The following CAMSAP2 variants were observed in gnomAD, a reference collection of about 807,000 sequenced individuals.
The protein encoded by CAMSAP2 is calmodulin-regulated spectrin-associated protein 2.
CAMSAP2 carries 26 observed loss-of-function variants against 146.1 expected under a neutral mutation model. That is an observed-to-expected ratio of 0.18 (90% CI 0.13 to 0.25). The LOEUF is 0.25. Among genes scored for constraint, CAMSAP2 ranks in the 10% least tolerant of loss-of-function variants. The pLI is 1.00. For synonymous variants in CAMSAP2, 499 were observed against 596.6 expected, an observed-to-expected ratio of 0.84 and a Z score of 2.38; for missense variants, 1,381 against 1,759.3, an observed-to-expected ratio of 0.78 and a Z score of 3.85.
In CAMSAP2 at chr1:200,858,351, C is replaced by A; in HGVS notation, c.*292C>A. The stretch of plus-strand genomic sequence containing the variant: ...TAGATACATTAAAGCACTGAATTTT[C>A]ATGGATATTAGTTGGATTTATCATT... On this transcript the variant is annotated 3_prime_UTR_variant, in exon 17 of 17. Coordinates refer to ENST00000358823, the MANE Select transcript of CAMSAP2 (RefSeq NM_203459.4). 3.7e-6 allele frequency: 1 copy of A among 269,260 alleles called. No individual in the cohort carries two copies. The highest frequency in any genetic ancestry group is 6.9e-6 in the Non-Finnish European group (1 of 144,366). The allele number at this position is 269,260 out of a possible 1,614,324, so 16.7% of individuals were successfully genotyped here. A position where few individuals can be genotyped will look rare whatever the true frequency, so the allele number is the denominator to read the frequency against.
At position 200,846,912 on chromosome 1, in the gene CAMSAP2, C is replaced by A. The variant is rs540460616; in HGVS notation, c.1110-298C>A. Among the ~76,000 whole-genome samples, 411 of 152,164 alleles carry A rather than the reference C, an allele frequency of 2.7e-3. 2 individuals are homozygous for A. Among genetic ancestry groups the A allele is most frequent in the Middle Eastern group, 0.01 (3 of 294 alleles). ...CAAAGTATTTCAAATTGGTGAGTTT[C>A]ATTTTACTTTTTTATATATCAGTTT... On this transcript the variant is annotated intron_variant, in intron 8 of 16. Transcript: ENST00000358823.
chr1:200,785,778 C>T (rs371449265), intron 2 of CAMSAP2, among the ~76,000 whole-genome samples: 174 of 152,280 alleles, frequency 1.1e-3, no homozygotes, highest in Middle Eastern at 6.8e-3. Flanking sequence ...ACCTCTGCCT[C>T]CCAGGTTCAA....
At chr1:200,786,117 T>C (rs1638603202) in intron 2 of CAMSAP2, among the ~76,000 whole-genome samples, 3 of 152,230 alleles carry the variant, frequency 2.0e-5, no homozygotes, top group African/African-American at 4.8e-5. Flanking sequence ...TGTGGTGATA[T>C]CCCTTTTTAC....
At chr1:200,740,567 G>A (rs1364973106) in intron 1 of CAMSAP2, among the ~76,000 whole-genome samples, 1 of 151,974 alleles carries the variant, frequency 6.6e-6, no homozygotes, top group African/African-American at 2.4e-5. Flanking sequence ...CTGACTGTAG[G>A]GTGCAGTTTT....
At chr1:200,744,030 A>G (rs772254947) in intron 1 of CAMSAP2, among the ~76,000 whole-genome samples, 2 of 152,224 alleles carry the variant, frequency 1.3e-5, no homozygotes, top group African/African-American at 2.4e-5. Flanking sequence ...AGCACTTTAC[A>G]CATACTGTAT....
chr1:200,819,152 T>G lies in CAMSAP2; in HGVS notation c.645+3508T>G, dbSNP rs115383408. Among the ~76,000 whole-genome samples, 428 of 152,336 alleles carry G rather than the reference T, an allele frequency of 2.8e-3. 1 individual carries two copies. The highest frequency in any genetic ancestry group is 9.5e-3 in the African/African-American group (394 of 41,576). On this transcript the variant is annotated intron_variant, in intron 4 of 16. Transcript: ENST00000358823. ...ATTTCAAAGGTATTTGTTTAGGGTA[T>G]TAGATCCTCCAGTGATGTATTTCTG...
intron 2 of CAMSAP2, among the ~76,000 whole-genome samples, chr1:200,763,098 C>T (rs1313215241): frequency 6.6e-6 from 1 of 152,128 alleles, no homozygotes; most frequent in Admixed American, 6.5e-5. Flanking sequence ...CTGGGTTTCA[C>T]CATGTTGGCC....
rs576657670 is a variant in CAMSAP2 at position 200,858,458 on chromosome 1, G to C, written c.*399G>C. 16 of 155,392 alleles carry C rather than the reference G, an allele frequency of 1.0e-4. No homozygotes were observed. Among genetic ancestry groups the C allele is most frequent in the East Asian group, 1.8e-4 (1 of 5,446 alleles). The allele number at this position is 155,392 out of a possible 1,614,324, so 9.6% of individuals were successfully genotyped here. A position where few individuals can be genotyped will look rare whatever the true frequency, so the allele number is the denominator to read the frequency against. On this transcript the variant is annotated 3_prime_UTR_variant, in exon 17 of 17. Transcript: ENST00000358823. ...TTAATGTATATTCTTGTCTTCAGAT[G>C]GTTTGCTATTTTTCTCTCCTGGGGG...
chr1:200,848,156 C>A lies in CAMSAP2; in HGVS notation c.1387C>A (p.His463Asn). 1 of 1,613,670 alleles carries A rather than the reference C, an allele frequency of 6.2e-7. No homozygotes were observed. The highest frequency in any genetic ancestry group is 1.1e-5 in the South Asian group (1 of 91,020). The stretch of plus-strand genomic sequence containing the variant: ...TGAAGGACTTACTCTGAACAACAGT[C>A]ATGTATCTAAACACATTAGGAAAAA... ...SNEGLTLNNS[H>N]VSKHIRKNLS... Residue 463 changes from histidine to asparagine, a missense_variant, in exon 11 of 17, where the codon CAT becomes AAT. By Grantham distance (68) the His-to-Asn change is moderately conservative (BLOSUM62 1). This residue lies in a region of CAMSAP2 where 447 missense variants were observed against 462.2 expected (regional missense o/e 0.97). Transcript: ENST00000358823.
intron 4 of CAMSAP2, among the ~76,000 whole-genome samples, chr1:200,825,170 T>TC (rs1323857970): frequency 5.3e-5 from 8 of 152,188 alleles, no homozygotes; most frequent in Non-Finnish European, 1.2e-4. Flanking sequence ...CTGTATTCTT[T>TC]CCATTTTAGC....
rs1558214111 is a variant in CAMSAP2 at position 200,857,902 on chromosome 1, T to TTG, written c.4281_4282dup (p.Glu1428ValfsTer42). ...CCTAAATCTATCACTAAAAAAATGA[T>TTG]TGAAGGACTTTACAAATATAATTCT... On this transcript the variant is annotated frameshift_variant, in exon 17 of 17. Transcript: ENST00000358823. LOFTEE classifies it high-confidence loss of function. The surrounding 1 kb of genome is among the most constrained non-coding windows in gnomAD (Gnocchi z 4.7). The TTG allele has an allele frequency of 6.2e-7, 1 of 1,613,876 alleles. No individual in the cohort carries two copies. Among genetic ancestry groups the TTG allele is most frequent in the Non-Finnish European group, 8.5e-7 (1 of 1,179,832 alleles).
chr1:200,816,859 TGTGTATGTGTGTACACACACAC>T (rs1666542504), intron 4 of CAMSAP2, among the ~76,000 whole-genome samples: 1 of 47,570 alleles, frequency 2.1e-5, no homozygotes, highest in Non-Finnish European at 4.8e-5. Context: ...CACACACGCG[TGTGTATGTGTGTACACACACAC>T]GCGTGTGTAT....
At chr1:200,752,184 T>C (rs1664525450) in intron 1 of CAMSAP2, among the ~76,000 whole-genome samples, 2 of 152,174 alleles carry the variant, frequency 1.3e-5, no homozygotes, top group Non-Finnish European at 2.9e-5. Flanking sequence ...TAGAGTTCTT[T>C]CTCTACATGT....
In CAMSAP2 at chr1:200,738,903, T is replaced by C. The variant is rs1459844275; in HGVS notation, c.-925T>C. ...CGAAGGCGCATGCTCAGTCTCCGCA[T>C]CTGCTCCTTCATCCAGTGCCGCAGC... On this transcript the variant is annotated 5_prime_UTR_variant, in exon 1 of 17. Transcript: ENST00000358823. 4.0e-5 allele frequency among the ~76,000 whole-genome samples: 6 copies of C among 150,564 alleles called. No individual in the cohort carries two copies. The highest frequency in any genetic ancestry group is 1.5e-4 in the African/African-American group (6 of 40,762).
chr1:200,765,182 A>G (rs1664912493), intron 2 of CAMSAP2, among the ~76,000 whole-genome samples: 1 of 152,094 alleles, frequency 6.6e-6, no homozygotes, highest in South Asian at 2.1e-4. Context: ...CCCCAAAATT[A>G]ATACTACAAT....
chr1:200,817,459 C>G (rs1304755192), intron 4 of CAMSAP2, among the ~76,000 whole-genome samples: 2 of 152,070 alleles, frequency 1.3e-5, no homozygotes, highest in Non-Finnish European at 1.5e-5. Context: ...TATAGTATAT[C>G]TTACGTCTTT....
intron 2 of CAMSAP2, among the ~76,000 whole-genome samples, chr1:200,800,467 T>TCAGAGACTA (rs1666005014): frequency 6.6e-6 from 1 of 152,214 alleles, no homozygotes; most frequent in Non-Finnish European, 1.5e-5. Flanking sequence ...ATCTGTTTTA[T>TCAGAGACTA]CAGAGACTAG....
At chr1:200,742,782 A>G (rs2102982885) in intron 1 of CAMSAP2, among the ~76,000 whole-genome samples, 1 of 152,272 alleles carries the variant, frequency 6.6e-6, no homozygotes. Flanking sequence ...TTATAACCAT[A>G]TGTTGTAAAA....
chr1:200,842,642 G>A lies in CAMSAP2; in HGVS notation c.1021+555G>A, dbSNP rs115435665. Among the ~76,000 whole-genome samples the A allele has an allele frequency of 2.0e-3, 297 of 152,146 alleles. 1 individual carries two copies. Among genetic ancestry groups the A allele is most frequent in the African/African-American group, 6.9e-3 (288 of 41,532 alleles). On this transcript the variant is annotated intron_variant, in intron 7 of 16. Coordinates refer to ENST00000358823, the MANE Select transcript of CAMSAP2 (RefSeq NM_203459.4). ...TTTCTGTAAAGCAAAATTTCACATA[G>A]CAAAACCAATTTTCTCTTGGCTCCC...
Sources: gnomAD v4.1 joint callset for allele counts (sites outside exome capture counted in the v4.1 genomes callset) on GRCh38, gnomAD v4.1.1 for gene constraint, gnomAD v4.1.1 regional missense constraint, Gnocchi (gnomAD v3.1) non-coding constraint, MANE v1.5 for transcripts, NCBI Gene and HGNC (gene_info 2026-07-23, HGNC 2026-07-21) for gene names.